The following CSMD3 variants were observed in gnomAD, a reference collection of about 807,000 sequenced individuals.
CSMD3 encodes CUB and Sushi multiple domains 3, also known as CUB and sushi domain-containing protein 3.
CSMD3 carries 177 observed loss-of-function variants against 435.2 expected under a neutral mutation model. The observed-to-expected ratio is 0.41, with a 90% CI of 0.36 to 0.46. The LOEUF (loss-of-function observed/expected upper bound fraction) is 0.46, where lower values mean the gene tolerates loss of function less well. Ranked by LOEUF, CSMD3 falls within the 20% of genes least tolerant of loss-of-function variation. CSMD3 has a pLI of 0.34. For missense variants in CSMD3, 4,265 were observed against 4,504.6 expected, an observed-to-expected ratio of 0.95 and a Z score of 1.52; for synonymous variants, 1,656 against 1,520.5, an observed-to-expected ratio of 1.09 and a Z score of -2.07.
chr8:112,438,608 A>C (rs1814638186), intron 32 of CSMD3, among the ~76,000 whole-genome samples: 1 of 152,070 alleles, frequency 6.6e-6, no homozygotes, highest in Non-Finnish European at 1.5e-5. Context: ...AAGAGAAAAA[A>C]CTCTACTGGC....
chr8:113,389,890 A>C (rs2094454392), intron 1 of CSMD3, among the ~76,000 whole-genome samples: 1 of 151,818 alleles, frequency 6.6e-6, no homozygotes, highest in Non-Finnish European at 1.5e-5. Context: ...ATTCTTATGA[A>C]TATTAAATGA....
At chr8:113,218,610 C>A (rs890716831) in intron 3 of CSMD3, among the ~76,000 whole-genome samples, 3 of 150,782 alleles carry the variant, frequency 2.0e-5, no homozygotes, top group African/African-American at 7.3e-5. Context: ...TCAATAGATG[C>A]AGAAAAACAT....
At position 113,377,561 on chromosome 8, in the gene CSMD3, A is replaced by T. The variant is rs562476419; in HGVS notation, c.178+59116T>A. Among the ~76,000 whole-genome samples the T allele has an allele frequency of 2.6e-5, 4 of 152,230 alleles. No homozygotes were observed. The South Asian group carries it at 8.3e-4, about 32-fold the overall frequency. On this transcript the variant is annotated intron_variant, in intron 1 of 70. Coordinates refer to ENST00000297405, the MANE Select transcript of CSMD3 (RefSeq NM_198123.2). ...TTAGTTCATTTGAGCTATATTTTTA[A>T]TCCAAAGAAGGTACACATTTCAATT...
chr8:113,157,949 C>T (rs1239633299), intron 4 of CSMD3, among the ~76,000 whole-genome samples: 1 of 151,932 alleles, frequency 6.6e-6, no homozygotes, highest in Admixed American at 6.6e-5. Flanking sequence ...CTTGGGAAAA[C>T]GCGATTCTTT....
chr8:112,602,678 CAATT>C (rs1832459304), intron 22 of CSMD3, among the ~76,000 whole-genome samples: 1 of 151,332 alleles, frequency 6.6e-6, no homozygotes, highest in African/African-American at 2.4e-5. Context: ...ATAACATAGT[CAATT>C]AATATATATT....
At chr8:112,479,163 C>T (rs1228724061) in intron 31 of CSMD3, among the ~76,000 whole-genome samples, 2 of 152,190 alleles carry the variant, frequency 1.3e-5, no homozygotes, top group African/African-American at 4.8e-5. Context: ...CCCAGTGAGG[C>T]CCAGGTGGGG....
chr8:112,548,252 T>C (rs1827364181), intron 27 of CSMD3, among the ~76,000 whole-genome samples: 1 of 152,104 alleles, frequency 6.6e-6, no homozygotes, highest in Non-Finnish European at 1.5e-5. Context: ...CTTCTCACGG[T>C]TTCACTCATA....
intron 3 of CSMD3, among the ~76,000 whole-genome samples, chr8:113,207,042 T>A (rs1344631818): frequency 6.6e-6 from 1 of 152,126 alleles, no homozygotes. Flanking sequence ...TATACTAACT[T>A]ACTAGGCATG....
At chr8:112,982,205 C>A (rs1019091753) in intron 6 of CSMD3, among the ~76,000 whole-genome samples, 3 of 151,768 alleles carry the variant, frequency 2.0e-5, no homozygotes, top group Non-Finnish European at 4.4e-5. Flanking sequence ...TTTAGATATG[C>A]AAATCCACAA....
chr8:112,618,660 G>A lies in CSMD3; in HGVS notation c.3715+18157C>T, dbSNP rs116407153. ...AGTATAGACACAGACAATGTGGATT[G>A]GCAATGAGGAGTAAGGACCAACCAT... On this transcript the variant is annotated intron_variant, in intron 22 of 70. Coordinates refer to ENST00000297405, the MANE Select transcript of CSMD3 (RefSeq NM_198123.2). Among the ~76,000 whole-genome samples, 998 of 113,166 alleles carry A rather than the reference G, an allele frequency of 8.8e-3. 11 individuals are homozygous for A. Among genetic ancestry groups the A allele is most frequent in the African/African-American group, 0.035 (941 of 26,782 alleles). 74.2% of individuals were successfully genotyped at this position (113,166 alleles called of 152,430 possible). A position where few individuals can be genotyped will look rare whatever the true frequency, so the allele number is the denominator to read the frequency against.
At chr8:113,184,763 T>C (rs1020803120) in intron 3 of CSMD3, among the ~76,000 whole-genome samples, 2 of 151,948 alleles carry the variant, frequency 1.3e-5, no homozygotes, top group African/African-American at 4.8e-5. Flanking sequence ...GCAGATGTGG[T>C]CTCCACAAAC....
intron 13 of CSMD3, among the ~76,000 whole-genome samples, chr8:112,707,702 T>C (rs1178628267): frequency 2.6e-5 from 4 of 152,212 alleles, no homozygotes; most frequent in African/African-American, 9.6e-5. Flanking sequence ...GGGCTGTGTG[T>C]CCAGGAAAAA....
intron 59 of CSMD3, among the ~76,000 whole-genome samples, chr8:112,272,625 C>T (rs938914964): frequency 2.0e-5 from 3 of 152,126 alleles, no homozygotes; most frequent in Admixed American, 1.3e-4. Flanking sequence ...CCTCTAAATA[C>T]GTGATGCCTG....
chr8:112,689,086 C>T (rs1319566780), intron 14 of CSMD3, among the ~76,000 whole-genome samples: 1 of 151,996 alleles, frequency 6.6e-6, no homozygotes, highest in Non-Finnish European at 1.5e-5. Flanking sequence ...AAGAACTTCA[C>T]CAAGTAATCT....
At chr8:112,538,319 T>G (rs919026276) in intron 27 of CSMD3, among the ~76,000 whole-genome samples, 2 of 152,052 alleles carry the variant, frequency 1.3e-5, no homozygotes, top group Non-Finnish European at 2.9e-5. Context: ...TTTTATAACT[T>G]TTATTCATCA....
intron 2 of CSMD3, chr8:113,312,126 T>TTA (rs1167115278): frequency 6.6e-6 from 1 of 152,046 alleles, no homozygotes; most frequent in Non-Finnish European, 1.5e-5. Flanking sequence ...CTACATAGAA[T>TTA]TATATATATT....
chr8:112,533,259 G>T (rs2131084787), intron 27 of CSMD3, among the ~76,000 whole-genome samples: 1 of 152,072 alleles, frequency 6.6e-6, no homozygotes, highest in East Asian at 1.9e-4. Context: ...AATGACATTT[G>T]TAAGTCCTTA....
intron 47 of CSMD3, among the ~76,000 whole-genome samples, chr8:112,317,392 T>C (rs894181618): frequency 3.3e-5 from 5 of 152,042 alleles, no homozygotes; most frequent in Admixed American, 6.6e-5. Context: ...ATAGTTTTTA[T>C]TGGAGTCAAG....
intron 9 of CSMD3, among the ~76,000 whole-genome samples, chr8:112,929,765 CG>C (rs2083045932): frequency 6.6e-6 from 1 of 151,754 alleles, no homozygotes; most frequent in African/African-American, 2.4e-5. Flanking sequence ...TAGTAGAATG[CG>C]TTAGAAAGTA....
Sources: gnomAD v4.1 joint callset for allele counts (sites outside exome capture counted in the v4.1 genomes callset) on GRCh38, gnomAD v4.1.1 for gene constraint, MANE v1.5 for transcripts, NCBI Gene and HGNC (gene_info 2026-07-23, HGNC 2026-07-21) for gene names.